Variants in FBXL17 observed in about 807,000 individuals in gnomAD.
FBXL17 encodes F-box/LRR-repeat protein 17.
In FBXL17, 22 loss-of-function variants were observed where a neutral mutation model predicts 66.2. The observed-to-expected ratio is 0.33, with a 90% CI of 0.24 to 0.47. The LOEUF is 0.47. FBXL17 is among the 20% of genes least tolerant of loss of function. FBXL17 has a pLI of 1.00. For synonymous variants in FBXL17, 474 were observed against 400.5 expected (o/e 1.18, Z -2.19); for missense variants, 878 against 948.2 (o/e 0.93, Z 0.97).
At chr5:108,048,440 C>T (rs1453984149) in intron 6 of FBXL17, among the ~76,000 whole-genome samples, 1 of 152,162 alleles carries the variant, frequency 6.6e-6, no homozygotes, top group African/African-American at 2.4e-5. Context: ...GGTTACAGAA[C>T]TGGGCAGAAG....
chr5:107,891,255 G>A (rs182099311), intron 7 of FBXL17, among the ~76,000 whole-genome samples: 11 of 152,298 alleles, frequency 7.2e-5, no homozygotes, highest in Non-Finnish European at 1.2e-4. Flanking sequence ...ATGGAGTGCC[G>A]TTGAGATGAG....
chr5:108,037,165 G>A (rs1746875981), intron 6 of FBXL17, among the ~76,000 whole-genome samples: 2 of 152,110 alleles, frequency 1.3e-5, no homozygotes, highest in African/African-American at 4.8e-5. Context: ...AAGACACCAT[G>A]ATATTTATTT....
chr5:108,377,556 G>C (rs763768435), intron 1 of FBXL17, among the ~76,000 whole-genome samples: 3 of 152,246 alleles, frequency 2.0e-5, no homozygotes, highest in African/African-American at 7.2e-5. Flanking sequence ...CGAGAATGCT[G>C]TAGACTTGCA....
intron 4 of FBXL17, among the ~76,000 whole-genome samples, chr5:108,266,249 CCA>C (rs1438017395): frequency 2.6e-5 from 4 of 152,036 alleles, no homozygotes; most frequent in African/African-American, 4.8e-5. Flanking sequence ...GTTTCACATT[CCA>C]CAGTTTCAGT....
intron 4 of FBXL17, among the ~76,000 whole-genome samples, chr5:108,302,381 A>AT (rs1758631448): frequency 6.6e-6 from 1 of 151,778 alleles, no homozygotes; most frequent in Non-Finnish European, 1.5e-5. Context: ...AGAAATACAT[A>AT]TTGCTTCCTA....
Position 108,328,273 on chromosome 5 carries a change from T to TAA in FBXL17, c.1506+20124_1506+20125dup, listed in dbSNP as rs574082012. 1.9e-3 allele frequency among the ~76,000 whole-genome samples: 293 copies of TAA among 152,178 alleles called. 3 individuals are homozygous for TAA. The highest frequency in any genetic ancestry group is 2.0e-3 in the Non-Finnish European group (138 of 67,966). On this transcript the variant is annotated intron_variant, in intron 4 of 8. Coordinates refer to ENST00000542267, the MANE Select transcript of FBXL17 (RefSeq NM_001163315.3). ...TATTCTTATCTCTGACTCCAGGTATTAAACTATTTGGTGGTCTCAGAGAAT... is the reference window on the plus strand; with the variant it reads ...TATTCTTATCTCTGACTCCAGGTATTAAAAACTATTTGGTGGTCTCAGAGAAT...
intron 7 of FBXL17, among the ~76,000 whole-genome samples, chr5:107,987,166 G>A (rs533788458): frequency 2.0e-5 from 3 of 152,036 alleles, no homozygotes; most frequent in African/African-American, 7.2e-5. Flanking sequence ...ATAAAATTGA[G>A]TTATCTTTTC....
chr5:108,248,640 T>A (rs746028581), intron 4 of FBXL17, among the ~76,000 whole-genome samples: 29 of 152,064 alleles, frequency 1.9e-4, no homozygotes, highest in Middle Eastern at 3.2e-3. Flanking sequence ...AAGAAATACA[T>A]GTCAGGAAAT....
At chr5:107,876,018 G>A (rs191487231) in intron 8 of FBXL17, among the ~76,000 whole-genome samples, 1 of 152,324 alleles carries the variant, frequency 6.6e-6, no homozygotes, top group Non-Finnish European at 1.5e-5. Context: ...AGAGGCTTTG[G>A]TCATAGGACA....
At chr5:107,869,614 A>C (rs1311142299) in intron 8 of FBXL17, among the ~76,000 whole-genome samples, 1 of 152,180 alleles carries the variant, frequency 6.6e-6, no homozygotes, top group East Asian at 1.9e-4. Flanking sequence ...TGGCCTGTGT[A>C]GATTTTTATA....
chr5:108,297,860 TAC>T lies in FBXL17; in HGVS notation c.1506+50537_1506+50538del, dbSNP rs546733708. ...TAACATTCTATTCCTTTGGTAGAAA[TAC>T]AGTTTTTACAACAAACAAAAAACCT... On this transcript the variant is annotated intron_variant, in intron 4 of 8. Transcript: ENST00000542267. 1.3e-4 allele frequency: 112 copies of T among 891,308 alleles called. No homozygotes were observed. The African/African-American group carries it at 2.0e-3, about 16-fold the overall frequency. The allele number at this position is 891,308 out of a possible 1,614,324, so 55.2% of individuals were successfully genotyped here. A position where few individuals can be genotyped will look rare whatever the true frequency, so the allele number is the denominator to read the frequency against.
At chr5:108,065,212 C>T (rs1748073563) in intron 6 of FBXL17, among the ~76,000 whole-genome samples, 1 of 151,994 alleles carries the variant, frequency 6.6e-6, no homozygotes, top group South Asian at 2.1e-4. Context: ...TACAATTTGT[C>T]TCCCCTTTAA....
intron 5 of FBXL17, among the ~76,000 whole-genome samples, chr5:108,202,294 C>T (rs917958265): frequency 4.6e-5 from 7 of 151,910 alleles, no homozygotes; most frequent in African/African-American, 1.5e-4. Flanking sequence ...ATTGAAGTTG[C>T]TGAAATGAAA....
At chr5:108,224,084 C>T (rs779842224) in intron 5 of FBXL17, 37 bp downstream of exon 5, 1 of 1,137,124 alleles carries the variant, frequency 8.8e-7, no homozygotes, top group Non-Finnish European at 1.3e-6. Context: ...CTGTATGATA[C>T]TCAAAAATAC....
chr5:108,231,898 T>G (rs887905843), intron 4 of FBXL17, among the ~76,000 whole-genome samples: 1 of 152,114 alleles, frequency 6.6e-6, no homozygotes, highest in Non-Finnish European at 1.5e-5. Flanking sequence ...GATGGGAAAC[T>G]ACAACAGCCC....
At chr5:108,116,053 C>G (rs965930784) in intron 6 of FBXL17, among the ~76,000 whole-genome samples, 1 of 152,014 alleles carries the variant, frequency 6.6e-6, no homozygotes, top group Non-Finnish European at 1.5e-5. Flanking sequence ...ATGAAAAGAT[C>G]TAACAAAAAT....
chr5:107,948,508 C>A (rs142250354), intron 7 of FBXL17, among the ~76,000 whole-genome samples: 278 of 152,260 alleles, frequency 1.8e-3, no homozygotes, highest in Non-Finnish European at 3.1e-3. Context: ...CTTGCTTATA[C>A]TTTTTAATAG....
chr5:108,147,248 A>C (rs1038775067), intron 6 of FBXL17, among the ~76,000 whole-genome samples: 11 of 152,248 alleles, frequency 7.2e-5, no homozygotes, highest in African/African-American at 2.7e-4. Flanking sequence ...AACTCGAAGC[A>C]GAAAAAATAA....
intron 6 of FBXL17, among the ~76,000 whole-genome samples, chr5:108,097,067 C>G (rs1384163041): frequency 6.6e-6 from 1 of 152,110 alleles, no homozygotes; most frequent in African/African-American, 2.4e-5. Context: ...AGGGAGGGGC[C>G]TGGTGGGAGG....
Sources: gnomAD v4.1 joint callset for allele counts (sites outside exome capture counted in the v4.1 genomes callset) on GRCh38, gnomAD v4.1.1 for gene constraint, MANE v1.5 for transcripts, NCBI Gene and HGNC (gene_info 2026-07-23, HGNC 2026-07-21) for gene names.